CFTR: variants seen among roughly 807,000 people sequenced by gnomAD.
The protein encoded by CFTR is cystic fibrosis transmembrane conductance regulator.
Under a neutral mutation model 171.6 loss-of-function variants are expected in CFTR, and 181 were observed. That is an observed-to-expected ratio of 1.05 (90% CI 0.93 to 1.19). The LOEUF (loss-of-function observed/expected upper bound fraction) is 1.19. CFTR is among the 50% of genes most tolerant of loss of function. The pLI is 0.00. For missense variants in CFTR, 1,968 were observed against 1,734.7 expected, an observed-to-expected ratio of 1.13 and a Z score of -2.39; for synonymous variants, 583 against 608.0, an observed-to-expected ratio of 0.96 and a Z score of 0.60.
intron 11 of CFTR, among the ~76,000 whole-genome samples, chr7:117,573,567 G>T (rs193185173): frequency 6.6e-6 from 1 of 152,184 alleles, no homozygotes; most frequent in East Asian, 1.9e-4. Context: ...AGTAAGAGTA[G>T]GTGAAACATT....
At chr7:117,503,025 G>A (rs1798356868) in intron 1 of CFTR, among the ~76,000 whole-genome samples, 1 of 152,182 alleles carries the variant, frequency 6.6e-6, no homozygotes, top group Admixed American at 6.6e-5. Flanking sequence ...GAAGGACCTG[G>A]GTGGGAGCAG....
chr7:117,570,605 A>G lies in CFTR; in HGVS notation c.1584+10950A>G, dbSNP rs35233944. Among the ~76,000 whole-genome samples, 50 of 152,296 alleles carry G rather than the reference A, an allele frequency of 3.3e-4. No homozygotes were observed. The South Asian group carries it at 9.3e-3, about 28-fold the overall frequency. ...ACTTGTTTAAGATCACATGTCTCAT[A>G]ATTGGTGGGACCAGCAATACAATCC... On this transcript the variant is annotated intron_variant, in intron 11 of 26. Coordinates refer to ENST00000003084, the MANE Select transcript of CFTR (RefSeq NM_000492.4).
chr7:117,557,552 C>G, intron 10 of CFTR, among the ~76,000 whole-genome samples: 1 of 88,024 alleles, frequency 1.1e-5, no homozygotes, highest in Admixed American at 1.3e-4. Context: ...ATTTTTGCTT[C>G]AAGAATATTG....
intron 14 of CFTR, among the ~76,000 whole-genome samples, chr7:117,593,077 T>C (rs1027997728): frequency 2.0e-5 from 3 of 152,208 alleles, no homozygotes; most frequent in Admixed American, 2.0e-4. Flanking sequence ...TATATAAACA[T>C]TTAGCCTCTT....
chr7:117,642,949 A>G (rs561548217), intron 23 of CFTR, among the ~76,000 whole-genome samples: 30 of 152,318 alleles, frequency 2.0e-4, no homozygotes, highest in African/African-American at 6.0e-4. Context: ...GACATAACAG[A>G]TGCTCCTGAA....
chr7:117,559,009 A>G (rs1799408986), intron 10 of CFTR, among the ~76,000 whole-genome samples: 1 of 152,224 alleles, frequency 6.6e-6, no homozygotes, highest in African/African-American at 2.4e-5. Flanking sequence ...GAACAATATT[A>G]CCTGAATATG....
intron 21 of CFTR, among the ~76,000 whole-genome samples, chr7:117,622,708 C>T (rs1194569444): frequency 6.6e-6 from 1 of 152,108 alleles, no homozygotes; most frequent in Non-Finnish European, 1.5e-5. Flanking sequence ...GGCTTCTGAA[C>T]AACCAAAAGG....
At chr7:117,481,413 A>T (rs1797998332) in intron 1 of CFTR, among the ~76,000 whole-genome samples, 3 of 152,212 alleles carry the variant, frequency 2.0e-5, no homozygotes, top group African/African-American at 7.2e-5. Context: ...AATGCCAACC[A>T]GTCTAAAAAT....
At chr7:117,549,905 T>A (rs1799240124) in intron 10 of CFTR, among the ~76,000 whole-genome samples, 1 of 152,082 alleles carries the variant, frequency 6.6e-6, no homozygotes, top group Non-Finnish European at 1.5e-5. Flanking sequence ...TAGGTAAAAA[T>A]GTTAATGAAA....
At chr7:117,583,839 AT>A (rs1791889767) in intron 11 of CFTR, among the ~76,000 whole-genome samples, 1 of 152,080 alleles carries the variant, frequency 6.6e-6, no homozygotes, top group South Asian at 2.1e-4. Flanking sequence ...AACATCTATT[AT>A]TTTTTGACTT....
chr7:117,565,461 C>A (rs146585992), intron 11 of CFTR, among the ~76,000 whole-genome samples: 43 of 152,160 alleles, frequency 2.8e-4, no homozygotes, highest in African/African-American at 1.0e-3. Flanking sequence ...ATTGGACTGT[C>A]TTTACCCAGC....
At chr7:117,540,682 AG>A (rs1197126047) in intron 8 of CFTR, among the ~76,000 whole-genome samples, 1 of 152,242 alleles carries the variant, frequency 6.6e-6, no homozygotes, top group Non-Finnish European at 1.5e-5. Context: ...TATATGATTA[AG>A]AAGCAAATAA....
chr7:117,569,505 A>G (rs1008375006), intron 11 of CFTR, among the ~76,000 whole-genome samples: 24 of 152,236 alleles, frequency 1.6e-4, no homozygotes, highest in African/African-American at 5.8e-4. Context: ...AATTAAAAAT[A>G]TTCAAAGCAT....
intron 23 of CFTR, among the ~76,000 whole-genome samples, chr7:117,650,983 C>T (rs965970082): frequency 6.6e-6 from 1 of 152,120 alleles, no homozygotes; most frequent in Non-Finnish European, 1.5e-5. Context: ...CCTACTATCT[C>T]CTAGCTAAGT....
intron 11 of CFTR, among the ~76,000 whole-genome samples, chr7:117,574,110 C>A (rs1463762488): frequency 1.3e-5 from 2 of 151,914 alleles, no homozygotes; most frequent in East Asian, 1.9e-4. Flanking sequence ...AAAACCAACA[C>A]CCTTAAGATA....
chr7:117,532,679 A>T (rs1438210193), intron 4 of CFTR, among the ~76,000 whole-genome samples: 1 of 152,196 alleles, frequency 6.6e-6, no homozygotes, highest in Non-Finnish European at 1.5e-5. Context: ...TACAGGATAT[A>T]GGTGCTTTCA....
At chr7:117,630,877 A>C (rs146932875) in intron 22 of CFTR, among the ~76,000 whole-genome samples, 3 of 152,214 alleles carry the variant, frequency 2.0e-5, no homozygotes, top group Non-Finnish European at 4.4e-5. Context: ...GGCAAAGGGC[A>C]TAACATGAGG....
intron 3 of CFTR, among the ~76,000 whole-genome samples, chr7:117,525,371 G>A (rs1798758311): frequency 7.4e-6 from 1 of 135,054 alleles, no homozygotes; most frequent in Non-Finnish European, 1.6e-5. Flanking sequence ...GATTTGGGGT[G>A]GAGAGTTCTG....
chr7:117,610,622 C>T lies in CFTR; in HGVS notation c.3092C>T (p.Ala1031Val), dbSNP rs779196228. 1.2e-6 allele frequency: 2 copies of T among 1,613,526 alleles called. No individual in the cohort carries two copies. The highest frequency in any genetic ancestry group is 1.1e-5 in the South Asian group (1 of 91,066). ...ATAGTGGCTTTTATTATGTTGAGAG[C>T]ATATTTCCTCCAAACCTCACAGCAA... is the stretch of plus-strand genomic sequence containing the variant. ...PVIVAFIMLRAYFLQTSQQLK... is the reference protein window; with the variant it reads ...PVIVAFIMLRVYFLQTSQQLK... Residue 1031 changes from alanine (A) to valine (V), a missense_variant, in exon 19 of 27, where the codon GCA becomes GTA. By Grantham distance (64) the Ala-to-Val change is moderately conservative. Coordinates refer to ENST00000003084, the MANE Select transcript of CFTR (RefSeq NM_000492.4).
Sources: gnomAD v4.1 joint callset for allele counts (sites outside exome capture counted in the v4.1 genomes callset) on GRCh38, gnomAD v4.1.1 for gene constraint, MANE v1.5 for transcripts, NCBI Gene and HGNC (gene_info 2026-07-23, HGNC 2026-07-21) for gene names.